Variants in AGBL1 observed in about 807,000 individuals in gnomAD.
AGBL1 encodes the protein AGBL carboxypeptidase 1, also known as cytosolic carboxypeptidase 4.
In AGBL1, 130 loss-of-function variants were observed where a neutral mutation model predicts 118.9. That is an observed-to-expected ratio of 1.09 (90% CI 0.95 to 1.26). AGBL1 has a LOEUF of 1.26. Ranked by LOEUF, AGBL1 falls within the 50% of genes most tolerant of loss-of-function variation. The pLI is 0.00. For missense variants in AGBL1, 1,584 were observed against 1,298.1 expected (o/e 1.22, Z -3.38); for synonymous variants, 555 against 478.9 (o/e 1.16, Z -2.08).
intron 22 of AGBL1, among the ~76,000 whole-genome samples, chr15:86,894,638 A>G (rs9302343): frequency 6.6e-6 from 1 of 152,182 alleles, no homozygotes; most frequent in African/African-American, 2.4e-5. Context: ...TTTGGTATCT[A>G]TTAAGTATTC....
chr15:86,909,462 G>C lies in AGBL1; in HGVS notation c.*2168G>C, dbSNP rs2080321629. The C allele has an allele frequency of 6.6e-6, 1 of 152,206 alleles. No homozygotes were observed. The highest frequency in any genetic ancestry group is 2.1e-4 in the South Asian group (1 of 4,830). 9.4% of individuals were successfully genotyped at this position (152,206 alleles called of 1,614,324 possible). ...GGCATAGAAGAAAGGCATCTGTGTTGTGATTTTGGGAGTTGATAACATTAT... is the reference window on the plus strand; with the variant it reads ...GGCATAGAAGAAAGGCATCTGTGTTCTGATTTTGGGAGTTGATAACATTAT... On this transcript the variant is annotated 3_prime_UTR_variant, in exon 23 of 23. Transcript: ENST00000614907.
chr15:86,467,577 T>G, intron 18 of AGBL1, among the ~76,000 whole-genome samples: 1 of 152,202 alleles, frequency 6.6e-6, no homozygotes, highest in Admixed American at 6.5e-5. Context: ...GCCGTTTTGT[T>G]CTTGAAACCC....
chr15:86,517,842 T>G (rs1567035976), intron 18 of AGBL1, among the ~76,000 whole-genome samples: 1 of 152,216 alleles, frequency 6.6e-6, no homozygotes. Context: ...TTTGGAAAGC[T>G]CTGGGTGCAG....
At chr15:86,334,762 T>C (rs1252011121) in intron 17 of AGBL1, among the ~76,000 whole-genome samples, 1 of 152,080 alleles carries the variant, frequency 6.6e-6, no homozygotes, top group Non-Finnish European at 1.5e-5. Context: ...CTTCTAACTA[T>C]ACTATAAGGC....
chr15:86,304,950 C>G (rs2079814811), intron 17 of AGBL1: 1 of 152,174 alleles, frequency 6.6e-6, no homozygotes, highest in Non-Finnish European at 1.5e-5. Context: ...CTGGTGAAAA[C>G]AGCTCCATCA....
At chr15:86,858,503 A>T (rs1216458469) in intron 22 of AGBL1, among the ~76,000 whole-genome samples, 1 of 135,012 alleles carries the variant, frequency 7.4e-6, no homozygotes, top group African/African-American at 2.9e-5. Flanking sequence ...TGTGTAAGGG[A>T]GCAGGAGACT....
chr15:86,462,492 T>C (rs1225224523), intron 18 of AGBL1, among the ~76,000 whole-genome samples: 1 of 152,088 alleles, frequency 6.6e-6, no homozygotes, highest in African/African-American at 2.4e-5. Context: ...ATGTGCAGGT[T>C]TGTTACATAG....
intron 21 of AGBL1, among the ~76,000 whole-genome samples, chr15:86,645,021 AAAAC>A (rs140615338): frequency 0.018 from 2,804 of 152,166 alleles, 25 homozygotes; most frequent in Middle Eastern, 0.034. Flanking sequence ...GACTGTCTCC[AAAAC>A]AAACAAACAA....
chr15:86,691,179 G>A (rs1047959073), intron 22 of AGBL1, among the ~76,000 whole-genome samples: 1 of 152,180 alleles, frequency 6.6e-6, no homozygotes, highest in Admixed American at 6.5e-5. Flanking sequence ...ATTCCTGGAG[G>A]TACTGACAGC....
At chr15:86,474,687 C>A (rs1490711871) in intron 18 of AGBL1, among the ~76,000 whole-genome samples, 3 of 152,230 alleles carry the variant, frequency 2.0e-5, no homozygotes, top group African/African-American at 7.2e-5. Flanking sequence ...GAAACCTCTG[C>A]AGACTTAAAT....
intron 22 of AGBL1, among the ~76,000 whole-genome samples, chr15:86,688,945 T>C (rs979742096): frequency 1.3e-5 from 2 of 152,158 alleles, no homozygotes; most frequent in Non-Finnish European, 2.9e-5. Flanking sequence ...TAGAATTTTA[T>C]GTCAATGGAA....
At chr15:86,337,233 T>C (rs2080385414) in intron 17 of AGBL1, among the ~76,000 whole-genome samples, 1 of 152,192 alleles carries the variant, frequency 6.6e-6, no homozygotes, top group South Asian at 2.1e-4. Context: ...TTTGTTTACA[T>C]ACACAGATTT....
At chr15:86,231,192 C>T (rs1345521270) in intron 6 of AGBL1, among the ~76,000 whole-genome samples, 3 of 152,128 alleles carry the variant, frequency 2.0e-5, no homozygotes, top group African/African-American at 7.2e-5. Flanking sequence ...GGGTATAGCT[C>T]CAAAGGAACT....
intron 5 of AGBL1, among the ~76,000 whole-genome samples, chr15:86,192,529 A>G (rs956042822): frequency 6.6e-6 from 1 of 152,076 alleles, no homozygotes; most frequent in East Asian, 1.9e-4. Context: ...ATCTGGTCAT[A>G]CACTAAAGCT....
chr15:86,669,498 A>G (rs546213450), intron 21 of AGBL1, among the ~76,000 whole-genome samples: 2 of 152,340 alleles, frequency 1.3e-5, no homozygotes, highest in Non-Finnish European at 2.9e-5. Context: ...GGGAGAGGCA[A>G]TATTCAAAAA....
rs3059643 is a variant in AGBL1, at chr15:86,828,914, GTATATATATA to G, written c.3159-78154_3159-78145del. Reference sequence around the variant, plus strand: ...ATTCATATGGTCATAAAGTTCAAAAGTATATATATATATATATATATATATATACTGTGTA... The same window carrying G: ...ATTCATATGGTCATAAAGTTCAAAAGTATATATATATATATATACTGTGTA... On this transcript the variant is annotated intron_variant, in intron 22 of 22. Coordinates refer to ENST00000614907, the MANE Select transcript of AGBL1 (RefSeq NM_001386094.1). Among the ~76,000 whole-genome samples the G allele has an allele frequency of 8.4e-3, 1,187 of 141,840 alleles. 17 individuals are homozygous for G. Among genetic ancestry groups the G allele is most frequent in the African/African-American group, 0.029 (1,099 of 37,958 alleles). 93.1% of individuals were successfully genotyped at this position (141,840 alleles called of 152,430 possible).
At chr15:86,467,919 T>G (rs1426919952) in intron 18 of AGBL1, among the ~76,000 whole-genome samples, 1 of 152,182 alleles carries the variant, frequency 6.6e-6, no homozygotes, top group Non-Finnish European at 1.5e-5. Context: ...TGGAGCTGTT[T>G]CTATTTGGTC....
At chr15:86,990,785 C>T (rs577164838) in intron 24 of AGBL1, among the ~76,000 whole-genome samples, 3 of 152,198 alleles carry the variant, frequency 2.0e-5, no homozygotes, top group Non-Finnish European at 2.9e-5. Context: ...GGTCTACCTC[C>T]GAAGGTGGTT....
intron 15 of AGBL1, among the ~76,000 whole-genome samples, chr15:86,275,275 G>T (rs1372024457): frequency 6.6e-6 from 1 of 152,160 alleles, no homozygotes; most frequent in Non-Finnish European, 1.5e-5. Context: ...AGATGGAACA[G>T]CTCACTCATG....
Sources: allele counts gnomAD v4.1 joint callset (sites outside exome capture counted in the v4.1 genomes callset), GRCh38; gene constraint gnomAD v4.1.1; transcripts MANE v1.5; gene names NCBI Gene and HGNC (gene_info 2026-07-23, HGNC 2026-07-21).